Variants in ADIPOR2 observed in about 807,000 individuals in gnomAD.
ADIPOR2 encodes adiponectin receptor 2.
A neutral mutation model predicts 40.9 loss-of-function variants in ADIPOR2; 18 were observed. The ratio of observed to expected loss-of-function variants is 0.44; its 90% CI spans 0.30 to 0.65. The LOEUF (loss-of-function observed/expected upper bound fraction) is 0.65. ADIPOR2 is among the 30% of genes least tolerant of loss of function. The probability of loss-of-function intolerance (pLI) is 0.09; values close to 1 mark genes in which losing one functional copy is unlikely to be tolerated. For missense variants in ADIPOR2, 283 were observed against 479.2 expected, an observed-to-expected ratio of 0.59 and a Z score of 3.82; for synonymous variants, 165 against 166.4, an observed-to-expected ratio of 0.99 and a Z score of 0.06.
chr12:1,757,908 G>T, intron 2 of ADIPOR2: 1 of 839,906 alleles, frequency 1.2e-6, no homozygotes, highest in Non-Finnish European at 2.1e-6. Flanking sequence ...CAACTTGTGG[G>T]GACTAGTGGA....
intron 1 of ADIPOR2, chr12:1,697,222 AGCTTAAAAGTT>A (rs2094641036): frequency 6.6e-6 from 1 of 152,224 alleles, no homozygotes; most frequent in Non-Finnish European, 1.5e-5. Context: ...TAAAGCTAAT[AGCTTAAAAGTT>A]AAACACTGTG....
At chr12:1,761,598 C>CTA (rs1319389293) in intron 2 of ADIPOR2, among the ~76,000 whole-genome samples, 1 of 152,162 alleles carries the variant, frequency 6.6e-6, no homozygotes, top group African/African-American at 2.4e-5. Flanking sequence ...AGCTCTTGAG[C>CTA]TTTTATGAAG....
intron 1 of ADIPOR2, among the ~76,000 whole-genome samples, chr12:1,733,731 A>G (rs2094724990): frequency 6.6e-6 from 1 of 150,850 alleles, no homozygotes; most frequent in Admixed American, 6.6e-5. Context: ...AACGTTAGGT[A>G]TATCTCTTAA....
At chr12:1,767,269 CAAAAAAAAAAAA>C (rs61401998) in intron 2 of ADIPOR2, among the ~76,000 whole-genome samples, 3 of 87,468 alleles carry the variant, frequency 3.4e-5, no homozygotes, top group Non-Finnish European at 4.6e-5. Context: ...AAGACTTCGT[CAAAAAAAAAAAA>C]AAAAAAAAAA....
At chr12:1,699,507 C>T (rs983483993) in intron 1 of ADIPOR2, among the ~76,000 whole-genome samples, 1 of 152,098 alleles carries the variant, frequency 6.6e-6, no homozygotes, top group Admixed American at 6.5e-5. Context: ...AAAAATTAGC[C>T]AGGCATCATG....
chr12:1,746,081 A>T (rs943468300), intron 1 of ADIPOR2, among the ~76,000 whole-genome samples: 4 of 152,216 alleles, frequency 2.6e-5, no homozygotes, highest in Non-Finnish European at 5.9e-5. Flanking sequence ...TGATCTAAAA[A>T]ATATGATCTA....
intron 1 of ADIPOR2, among the ~76,000 whole-genome samples, chr12:1,707,740 T>C (rs549187593): frequency 1.4e-4 from 21 of 152,330 alleles, no homozygotes; most frequent in Admixed American, 2.6e-4. Flanking sequence ...CCCAAAGTGC[T>C]GGGATTATAG....
intron 1 of ADIPOR2, among the ~76,000 whole-genome samples, chr12:1,752,916 A>G (rs774977060): frequency 1.1e-4 from 16 of 152,196 alleles, no homozygotes; most frequent in Non-Finnish European, 2.1e-4. Flanking sequence ...TCTCAATAGT[A>G]TCATGTGCTT....
intron 1 of ADIPOR2, among the ~76,000 whole-genome samples, chr12:1,698,566 A>G (rs1314351932): frequency 6.6e-6 from 1 of 152,068 alleles, no homozygotes; most frequent in Non-Finnish European, 1.5e-5. Flanking sequence ...CTTACTTTAC[A>G]TCTGCATCTA....
At chr12:1,750,719 T>C (rs1181333015) in intron 1 of ADIPOR2, among the ~76,000 whole-genome samples, 8 of 152,222 alleles carry the variant, frequency 5.3e-5, no homozygotes, top group Admixed American at 5.2e-4. Context: ...TGATGTATTC[T>C]TATTTCATAA....
chr12:1,757,422 T>C (rs527850592), intron 2 of ADIPOR2: 40 of 727,818 alleles, frequency 5.5e-5, no homozygotes, highest in Non-Finnish European at 1.0e-4. Flanking sequence ...AGATCCAGAG[T>C]GCCTCTCTCT....
chr12:1,726,723 C>T (rs2094708754), intron 1 of ADIPOR2, among the ~76,000 whole-genome samples: 1 of 151,884 alleles, frequency 6.6e-6, no homozygotes, highest in East Asian at 1.9e-4. Context: ...GCTAGTGTCA[C>T]TTTTTATGCT....
At chr12:1,715,544 G>C (rs1216639203) in intron 1 of ADIPOR2, among the ~76,000 whole-genome samples, 2 of 152,108 alleles carry the variant, frequency 1.3e-5, no homozygotes, top group Non-Finnish European at 2.9e-5. Context: ...TTAAAAACCG[G>C]ACCATTGTCG....
intron 1 of ADIPOR2, among the ~76,000 whole-genome samples, chr12:1,710,823 T>G (rs2094675173): frequency 1.3e-5 from 2 of 152,120 alleles, no homozygotes; most frequent in South Asian, 4.1e-4. Flanking sequence ...AGTTGTTAGT[T>G]GAACTCATTT....
At chr12:1,743,677 T>TA (rs904488217) in intron 1 of ADIPOR2, among the ~76,000 whole-genome samples, 6 of 151,882 alleles carry the variant, frequency 4.0e-5, no homozygotes, top group East Asian at 1.9e-4. Flanking sequence ...AATATTAAAT[T>TA]AAAAAAAACC....
chr12:1,711,513 G>T (rs1324785363), intron 1 of ADIPOR2, among the ~76,000 whole-genome samples: 1 of 152,062 alleles, frequency 6.6e-6, no homozygotes, highest in Non-Finnish European at 1.5e-5. Context: ...AGAAGAATAT[G>T]CCTTGGCTGG....
intron 1 of ADIPOR2, among the ~76,000 whole-genome samples, chr12:1,710,188 T>C (rs2094673405): frequency 6.6e-6 from 1 of 152,160 alleles, no homozygotes; most frequent in Admixed American, 6.5e-5. Flanking sequence ...CAGCAGGATA[T>C]GGGCGGGGAT....
chr12:1,709,981 C>T (rs552142762), intron 1 of ADIPOR2, among the ~76,000 whole-genome samples: 2 of 152,284 alleles, frequency 1.3e-5, no homozygotes, highest in African/African-American at 4.8e-5. Flanking sequence ...TTCATCCTGC[C>T]TAGAAGATTG....
At chr12:1,700,941 A>C (rs1317677802) in intron 1 of ADIPOR2, among the ~76,000 whole-genome samples, 1 of 152,126 alleles carries the variant, frequency 6.6e-6, no homozygotes, top group Non-Finnish European at 1.5e-5. Context: ...TCAAACATAC[A>C]TGAGACTACA....
Sources: allele counts gnomAD v4.1 joint callset (sites outside exome capture counted in the v4.1 genomes callset), GRCh38; gene constraint gnomAD v4.1.1; transcripts MANE v1.5; gene names NCBI Gene and HGNC (gene_info 2026-07-23, HGNC 2026-07-21).